The following AUTS2 variants were observed in gnomAD, a reference collection of about 807,000 sequenced individuals.
AUTS2 encodes activator of transcription and developmental regulator AUTS2, also known as autism susceptibility gene 2 protein.
Under a neutral mutation model 112.4 loss-of-function variants are expected in AUTS2, and 17 were observed. The ratio of observed to expected loss-of-function variants is 0.15; its 90% confidence interval spans 0.10 to 0.23. The LOEUF (loss-of-function observed/expected upper bound fraction) is 0.23, where lower values mean the gene tolerates loss of function less well. AUTS2 is among the 10% of genes least tolerant of loss of function. AUTS2 has a pLI of 1.00. For synonymous variants in AUTS2, 751 were observed against 702.7 expected (o/e 1.07, Z -1.09); for missense variants, 1,510 against 1,701.6 (o/e 0.89, Z 1.98).
intron 5 of AUTS2, among the ~76,000 whole-genome samples, chr7:70,622,271 CTT>C (rs1211859965): frequency 3.3e-5 from 5 of 152,174 alleles, no homozygotes; most frequent in African/African-American, 1.2e-4. Flanking sequence ...AAAAATGCAT[CTT>C]TGACTTATAT....
intron 1 of AUTS2, among the ~76,000 whole-genome samples, chr7:69,648,110 T>G (rs1795116187): frequency 6.6e-6 from 1 of 152,170 alleles, no homozygotes; most frequent in Non-Finnish European, 1.5e-5. Context: ...GGGACACAAT[T>G]AAACCCATAA....
chr7:69,802,831 A>G (rs1790143693), intron 1 of AUTS2, among the ~76,000 whole-genome samples: 1 of 152,224 alleles, frequency 6.6e-6, no homozygotes. Flanking sequence ...TATATTAGTA[A>G]GGGATGAATT....
chr7:70,191,906 C>CA lies in AUTS2; in HGVS notation c.660+57346dup, dbSNP rs931612417. ...TAAAATCCTGTCTCTACTAAAAATA[C>CA]AAAAAAAAAAATTAGCTAGGCGTGG... On this transcript the variant is annotated intron_variant, in intron 4 of 18. Coordinates refer to ENST00000342771, the MANE Select transcript of AUTS2 (RefSeq NM_015570.4). Among the ~76,000 whole-genome samples, 545 of 124,124 alleles carry CA rather than the reference C, an allele frequency of 4.4e-3. 6 individuals carry two copies. The highest frequency in any genetic ancestry group is 9.9e-3 in the African/African-American group (330 of 33,382). The allele number at this position is 124,124 out of a possible 152,430, so 81.4% of individuals were successfully genotyped here. A position where few individuals can be genotyped will look rare whatever the true frequency, so the allele number is the denominator to read the frequency against.
chr7:70,370,295 C>T (rs568287566), intron 4 of AUTS2, among the ~76,000 whole-genome samples: 2 of 152,064 alleles, frequency 1.3e-5, no homozygotes, highest in African/African-American at 4.8e-5. Context: ...AAAAAAGAAA[C>T]CCTGCACTCC....
intron 1 of AUTS2, among the ~76,000 whole-genome samples, chr7:69,753,788 T>G (rs1250919426): frequency 1.3e-5 from 2 of 152,138 alleles, no homozygotes; most frequent in African/African-American, 4.8e-5. Context: ...TGGAGGAGCT[T>G]ATATTAAGAA....
chr7:69,660,791 TG>T (rs1795751969), intron 1 of AUTS2, among the ~76,000 whole-genome samples: 1 of 152,084 alleles, frequency 6.6e-6, no homozygotes, highest in East Asian at 1.9e-4. Context: ...AGAAGTTAGC[TG>T]GGTGTGGTGG....
chr7:70,678,271 T>C (rs771924601), intron 5 of AUTS2, among the ~76,000 whole-genome samples: 1 of 152,142 alleles, frequency 6.6e-6, no homozygotes, highest in African/African-American at 2.4e-5. Context: ...TTACTTATAC[T>C]GTAAAGAAAT....
At chr7:70,020,132 C>T (rs1236440360) in intron 2 of AUTS2, among the ~76,000 whole-genome samples, 1 of 152,202 alleles carries the variant, frequency 6.6e-6, no homozygotes, top group African/African-American at 2.4e-5. Flanking sequence ...ACGGTGCACA[C>T]CTGAGATTCC....
At position 70,431,683 on chromosome 7, in the gene AUTS2, C is replaced by T. The variant is rs534387618; in HGVS notation, c.661-4069C>T. Reference sequence around the variant, plus strand: ...TACAGGCGTGAGCCCCGTCACCCGGCCGTAAATTTGTATTTTCAAAAGGAG... The same window carrying T: ...TACAGGCGTGAGCCCCGTCACCCGGTCGTAAATTTGTATTTTCAAAAGGAG... On this transcript the variant is annotated intron_variant, in intron 4 of 18. Transcript: ENST00000342771. Among the ~76,000 whole-genome samples the T allele has an allele frequency of 2.0e-5, 3 of 152,338 alleles. No individual in the cohort carries two copies. In the South Asian group the frequency reaches 6.2e-4, roughly 32 times the overall value.
In AUTS2 at chr7:70,134,575, A is replaced by ATTAC; in HGVS notation, c.660+4_660+5insTTAC. On this transcript the variant is annotated splice_donor_region_variant and intron_variant, in intron 4 of 18. Transcript: ENST00000342771. ...CAGCTTGGGAACAGGCTACTTCGTA[A>ATTAC]GTCTATCTCAACTTCCACATATGTG... The ATTAC allele has an allele frequency of 6.2e-7, 1 of 1,613,504 alleles. No individual in the cohort carries two copies. Among genetic ancestry groups the ATTAC allele is most frequent in the Non-Finnish European group, 8.5e-7 (1 of 1,179,564 alleles).
At chr7:70,453,927 C>A (rs895410362) in intron 5 of AUTS2, among the ~76,000 whole-genome samples, 1 of 152,168 alleles carries the variant, frequency 6.6e-6, no homozygotes, top group African/African-American at 2.4e-5. Context: ...AGGAGACAGG[C>A]GGTCATGTGT....
At chr7:69,873,824 C>T (rs1438931414) in intron 1 of AUTS2, among the ~76,000 whole-genome samples, 1 of 152,056 alleles carries the variant, frequency 6.6e-6, no homozygotes, top group Non-Finnish European at 1.5e-5. Context: ...GAAGATTATC[C>T]CTGGAATAGA....
intron 6 of AUTS2, among the ~76,000 whole-genome samples, chr7:70,708,634 T>C (rs1809869706): frequency 6.6e-6 from 1 of 151,892 alleles, no homozygotes; most frequent in Non-Finnish European, 1.5e-5. Flanking sequence ...GAAAAGCTTA[T>C]CTGAGGTGAG....
At chr7:70,505,996 C>T (rs1268152327) in intron 5 of AUTS2, among the ~76,000 whole-genome samples, 1 of 152,240 alleles carries the variant, frequency 6.6e-6, no homozygotes, top group Admixed American at 6.5e-5. Flanking sequence ...AGACCAGGCG[C>T]TGGCCTTGAA....
At chr7:70,529,846 A>C (rs185161231) in intron 5 of AUTS2, among the ~76,000 whole-genome samples, 1 of 152,368 alleles carries the variant, frequency 6.6e-6, no homozygotes, top group Admixed American at 6.5e-5. Flanking sequence ...AGTATCCAGA[A>C]GCTCACTTAT....
At chr7:69,609,109 A>AC (rs982365073) in intron 1 of AUTS2, among the ~76,000 whole-genome samples, 1 of 152,224 alleles carries the variant, frequency 6.6e-6, no homozygotes, top group African/African-American at 2.4e-5. Context: ...ACAACAGCCC[A>AC]CAGGGGTTAA....
rs185231214 is a variant in AUTS2, at chr7:70,331,292, C to G, written c.661-104460C>G. 4.1e-3 allele frequency among the ~76,000 whole-genome samples: 623 copies of G among 152,038 alleles called. 3 individuals carry two copies. Among genetic ancestry groups the G allele is most frequent in the Non-Finnish European group, 5.0e-3 (341 of 67,932 alleles). ...TTAGTCTTAGGAGGGTGTATGTGTC[C>G]AGAATTTATCCATTTCTTCTAGATT... On this transcript the variant is annotated intron_variant, in intron 4 of 18. Coordinates refer to ENST00000342771, the MANE Select transcript of AUTS2 (RefSeq NM_015570.4).
At chr7:70,102,990 A>C (rs993036158) in intron 2 of AUTS2, among the ~76,000 whole-genome samples, 1 of 152,228 alleles carries the variant, frequency 6.6e-6, no homozygotes, top group Non-Finnish European at 1.5e-5. Context: ...ATTGAGAGAC[A>C]TGGTTGTAAA....
At chr7:70,480,133 C>A (rs1370689113) in intron 5 of AUTS2, among the ~76,000 whole-genome samples, 2 of 152,288 alleles carry the variant, frequency 1.3e-5, no homozygotes, top group Middle Eastern at 3.4e-3. Context: ...GGTTCTTAGC[C>A]TTTATTACAC....
Sources: gnomAD v4.1 joint callset for allele counts (sites outside exome capture counted in the v4.1 genomes callset) on GRCh38, gnomAD v4.1.1 for gene constraint, MANE v1.5 for transcripts, NCBI Gene and HGNC (gene_info 2026-07-23, HGNC 2026-07-21) for gene names.